Variants in RPS6KA6 observed in about 807,000 individuals in gnomAD.
RPS6KA6 encodes ribosomal protein S6 kinase A6.
Under a neutral mutation model 65.4 loss-of-function variants are expected in RPS6KA6, and 27 were observed. That is an observed-to-expected ratio of 0.41 (90% CI 0.30 to 0.57). The LOEUF (loss-of-function observed/expected upper bound fraction) is 0.57, where lower values mean the gene tolerates loss of function less well. Among genes scored for constraint, RPS6KA6 ranks in the 20% least tolerant of loss-of-function variants. The pLI is 0.24. For synonymous variants in RPS6KA6, 190 were observed against 184.2 expected, an observed-to-expected ratio of 1.03 and a Z score of -0.26; for missense variants, 486 against 555.6, an observed-to-expected ratio of 0.87 and a Z score of 1.26.
intron 18 of RPS6KA6, 146 bp from the exon 19 acceptor site, chrX:84,097,994 C>A: frequency 2.3e-6 from 1 of 425,647 alleles, no homozygotes; most frequent in Non-Finnish European, 4.2e-6. Flanking sequence ...AGACATAACC[C>A]CTGACACCTC....
chrX:84,150,848 T>TATATATATATAGAGGATATATATAGG (rs1329573302), intron 3 of RPS6KA6, among the ~76,000 whole-genome samples: 28 of 94,853 alleles, frequency 3.0e-4, no homozygotes, highest in South Asian at 1.9e-3. Flanking sequence ...ATATATAGGA[T>TATATATATATAGAGGATATATATAGG]ATATATATAT....
At chrX:84,163,104 G>T (rs1008549497) in intron 2 of RPS6KA6, among the ~76,000 whole-genome samples, 1 of 111,355 alleles carries the variant, frequency 9.0e-6, no homozygotes, top group African/African-American at 3.3e-5. Context: ...TTTGGTGGAG[G>T]GGTCATCAAA....
chrX:84,128,670 G>C (rs1269342418), intron 8 of RPS6KA6, among the ~76,000 whole-genome samples: 1 of 111,473 alleles, frequency 9.0e-6, no homozygotes, highest in Non-Finnish European at 1.9e-5. Context: ...GAACAGAATA[G>C]AGAACCCAGA....
chrX:84,079,269 C>T (rs1209913589), intron 20 of RPS6KA6, among the ~76,000 whole-genome samples: 2 of 110,909 alleles, frequency 1.8e-5, no homozygotes, highest in Non-Finnish European at 3.8e-5. Flanking sequence ...CCATAAGAAA[C>T]GATGCATTCC....
At chrX:84,077,433 A>G (rs912758057) in intron 20 of RPS6KA6, among the ~76,000 whole-genome samples, 1 of 112,088 alleles carries the variant, frequency 8.9e-6, no homozygotes, top group Admixed American at 9.5e-5. Context: ...TCAGTGAAAC[A>G]GAATAGGAAG....
chrX:84,063,145 CATTA>C lies in RPS6KA6; in HGVS notation c.*1128_*1131del, dbSNP rs1453601408. 9.0e-6 allele frequency: 1 copy of C among 110,858 alleles called. No homozygotes were observed. The highest frequency in any genetic ancestry group is 1.9e-5 in the Non-Finnish European group (1 of 52,853). 9.1% of individuals were successfully genotyped at this position (110,858 alleles called of 1,213,427 possible). ...AAATGTGCTCAAATTTTTTGTAGAC[CATTA>C]ATATTATTCATATTTAAAATGTTAG... On this transcript the variant is annotated 3_prime_UTR_variant, in exon 22 of 22. Transcript: ENST00000262752.
intron 6 of RPS6KA6, among the ~76,000 whole-genome samples, chrX:84,138,376 G>T (rs183522319): frequency 1.3e-3 from 143 of 107,872 alleles, no homozygotes; most frequent in Non-Finnish European, 2.3e-3. Context: ...AACATAGCAA[G>T]ATCCCATCTC....
At chrX:84,124,989 G>A (rs1158665646) in intron 8 of RPS6KA6, among the ~76,000 whole-genome samples, 1 of 111,795 alleles carries the variant, frequency 8.9e-6, no homozygotes, top group East Asian at 2.8e-4. Flanking sequence ...CAGGTTAGGA[G>A]AGAGTGGCAT....
chrX:84,098,873 C>G (rs2034206828), intron 18 of RPS6KA6, among the ~76,000 whole-genome samples: 1 of 111,244 alleles, frequency 9.0e-6, no homozygotes, highest in African/African-American at 3.3e-5. Flanking sequence ...TTAAATAATA[C>G]AAGTAGGGAA....
At position 84,188,014 on chromosome X, in the gene RPS6KA6, C is replaced by T. The variant is rs2035951365; in HGVS notation, c.-115G>A. ...CGCCGCCGCCGCCGCCGCCGCGACC[C>T]CCAGCCCCGCCTTCAGCGAGCGCTG... On this transcript the variant is annotated 5_prime_UTR_variant, in exon 1 of 22. Coordinates refer to ENST00000262752, the MANE Select transcript of RPS6KA6 (RefSeq NM_014496.5). 2.2e-6 allele frequency: 1 copy of T among 459,056 alleles called. No individual in the cohort carries two copies. 37.8% of individuals were successfully genotyped at this position (459,056 alleles called of 1,213,427 possible). A position where few individuals can be genotyped will look rare whatever the true frequency, so the allele number is the denominator to read the frequency against.
chrX:84,123,680 C>T (rs2147483520), intron 8 of RPS6KA6, among the ~76,000 whole-genome samples: 1 of 112,165 alleles, frequency 8.9e-6, no homozygotes, highest in Admixed American at 9.4e-5. Context: ...TAGAATAGAA[C>T]TTCAGGTAAA....
At chrX:84,116,045 A>C (rs566218195) in intron 12 of RPS6KA6, among the ~76,000 whole-genome samples, 184 bp downstream of exon 12, 12 of 111,403 alleles carry the variant, frequency 1.1e-4, no homozygotes, top group African/African-American at 3.9e-4. Flanking sequence ...CCATTATGCA[A>C]TACATCCACG....
At chrX:84,116,090 TA>T (rs887392422) in intron 12 of RPS6KA6, 138 bp downstream of exon 12, 4 of 384,184 alleles carry the variant, frequency 1.0e-5, no homozygotes, top group African/African-American at 5.4e-5. Context: ...AGATCTAAAT[TA>T]TTTTTTTAAG....
At chrX:84,093,840 C>T in intron 20 of RPS6KA6, among the ~76,000 whole-genome samples, 1 of 111,226 alleles carries the variant, frequency 9.0e-6, no homozygotes, top group Non-Finnish European at 1.9e-5. Flanking sequence ...CCTTTGACCT[C>T]CTCAATTTCT....
rs1252367611 is a variant in RPS6KA6, at chrX:84,102,236, TTAAC to T, written c.1615-42_1615-39del. 2.4e-5 allele frequency: 16 copies of T among 679,941 alleles called. No individual in the cohort carries two copies. The East Asian group carries it at 5.1e-4, about 22-fold the overall frequency. 56.0% of individuals were successfully genotyped at this position (679,941 alleles called of 1,213,427 possible). A position where few individuals can be genotyped will look rare whatever the true frequency, so the allele number is the denominator to read the frequency against. On this transcript the variant is annotated intron_variant, in intron 17 of 21. Transcript: ENST00000262752. The stretch of plus-strand genomic sequence containing the variant: ...GGAAAAAAGCATTATATCTATATAA[TTAAC>T]TAAATATCTGAGAAATAAAACATTA...
chrX:84,145,623 A>T, intron 5 of RPS6KA6, 66 bp from the exon 6 acceptor site: 1 of 565,624 alleles, frequency 1.8e-6, no homozygotes, highest in Non-Finnish European at 2.7e-6. Context: ...GTATGCTTTT[A>T]AATTAATATA....
intron 12 of RPS6KA6, among the ~76,000 whole-genome samples, chrX:84,113,509 AT>A (rs1341038641): frequency 5.3e-5 from 6 of 112,455 alleles, no homozygotes; most frequent in African/African-American, 1.9e-4. Context: ...ATGGATCAAC[AT>A]TTACTAATCA....
At chrX:84,124,139 T>C (rs1371652993) in intron 8 of RPS6KA6, among the ~76,000 whole-genome samples, 1 of 111,143 alleles carries the variant, frequency 9.0e-6, no homozygotes, top group Non-Finnish European at 1.9e-5. Flanking sequence ...GGGCTTGGGG[T>C]TCAACTCCCA....
At chrX:84,123,359 G>A (rs910668556) in intron 8 of RPS6KA6, among the ~76,000 whole-genome samples, 1 of 112,786 alleles carries the variant, frequency 8.9e-6, no homozygotes, top group Non-Finnish European at 1.9e-5. Flanking sequence ...GCCACAGTGG[G>A]GTAGGCCAAT....
Sources: allele counts gnomAD v4.1 joint callset (sites outside exome capture counted in the v4.1 genomes callset), GRCh38; gene constraint gnomAD v4.1.1; transcripts MANE v1.5; gene names NCBI Gene and HGNC (gene_info 2026-07-23, HGNC 2026-07-21).